Variants in CLYBL observed in about 807,000 individuals in gnomAD.
The protein encoded by CLYBL is citramalyl-CoA lyase, mitochondrial.
In CLYBL, 31 loss-of-function variants were observed where a neutral mutation model predicts 38.9. The observed-to-expected ratio is 0.80, with a 90% CI of 0.60 to 1.08. CLYBL has a LOEUF of 1.08. Ranked by LOEUF, CLYBL falls within the 50% of genes least tolerant of loss-of-function variation. The pLI is 0.00. For missense variants in CLYBL, 434 were observed against 411.6 expected (o/e 1.05, Z -0.47); for synonymous variants, 171 against 158.6 (o/e 1.08, Z -0.59).
intron 1 of CLYBL, among the ~76,000 whole-genome samples, chr13:99,715,627 T>C (rs1381405641): frequency 6.6e-6 from 1 of 152,134 alleles, no homozygotes; most frequent in Non-Finnish European, 1.5e-5. Flanking sequence ...CCCAAAGTGC[T>C]GGGATTACAG....
intron 1 of CLYBL, among the ~76,000 whole-genome samples, chr13:99,619,666 C>T (rs1016746373): frequency 4.8e-4 from 73 of 152,194 alleles, no homozygotes; most frequent in African/African-American, 1.7e-3. Flanking sequence ...CTCTGGGGTT[C>T]AAGTCCAATG....
intron 1 of CLYBL, among the ~76,000 whole-genome samples, chr13:99,635,348 C>T (rs1437213370): frequency 3.3e-5 from 5 of 152,026 alleles, no homozygotes; most frequent in Non-Finnish European, 5.9e-5. Context: ...ATTGAGACTT[C>T]TCCAGTGTTT....
downstream of CLYBL, among the ~76,000 whole-genome samples, chr13:99,897,684 G>A (rs988981058): frequency 2.0e-5 from 3 of 152,176 alleles, no homozygotes; most frequent in Non-Finnish European, 4.4e-5. Context: ...AGTGACTTAC[G>A]CCTGTAATCC....
chr13:99,746,854 G>A (rs907600147), intron 1 of CLYBL, among the ~76,000 whole-genome samples: 2 of 152,192 alleles, frequency 1.3e-5, no homozygotes, highest in African/African-American at 4.8e-5. Context: ...CTTGGACCAA[G>A]TTCTCAGCGA....
chr13:99,810,220 G>A (rs1256552983), intron 2 of CLYBL, among the ~76,000 whole-genome samples: 2 of 152,246 alleles, frequency 1.3e-5, no homozygotes, highest in African/African-American at 4.8e-5. Flanking sequence ...TATGGCTGGT[G>A]AGACAGACAT....
At chr13:99,620,792 A>AAAAG (rs147732033) in intron 1 of CLYBL, among the ~76,000 whole-genome samples, 43,649 of 150,372 alleles carry the variant, frequency 0.29, 7,360 homozygotes, top group Middle Eastern at 0.4. Flanking sequence ...GAAAGAAAGA[A>AAAAG]AAAGAGAGAG....
At chr13:99,908,352 T>C (rs952803186) in exon 10 of CLYBL, among the ~76,000 whole-genome samples, 5 of 152,162 alleles carry the variant, frequency 3.3e-5, no homozygotes, top group Non-Finnish European at 7.3e-5. Flanking sequence ...CGTTCCTGCT[T>C]CCAAGCAGCA....
At chr13:99,887,932 T>G (rs2052391642) in intron 7 of CLYBL, among the ~76,000 whole-genome samples, 1 of 151,954 alleles carries the variant, frequency 6.6e-6, no homozygotes. Context: ...CTCAGCTCAC[T>G]GCAACCTCTG....
intron 2 of CLYBL, among the ~76,000 whole-genome samples, chr13:99,783,457 G>T (rs1474653148): frequency 1.3e-5 from 1 of 79,456 alleles, no homozygotes; most frequent in African/African-American, 7.6e-5. Context: ...GTACTTTGGG[G>T]TGTAATTTTT....
intron 1 of CLYBL, among the ~76,000 whole-genome samples, chr13:99,610,864 T>C (rs2046615434): frequency 6.6e-6 from 1 of 152,234 alleles, no homozygotes; most frequent in Non-Finnish European, 1.5e-5. Flanking sequence ...TTATCTTCCA[T>C]CTCAAGTAGC....
intron 1 of CLYBL, among the ~76,000 whole-genome samples, chr13:99,717,350 C>T (rs1043168017): frequency 2.0e-5 from 3 of 147,510 alleles, no homozygotes; most frequent in African/African-American, 7.5e-5. Context: ...TGCTAGAACC[C>T]AGGAGGCAGA....
chr13:99,825,742 G>A (rs1464579728), intron 2 of CLYBL, among the ~76,000 whole-genome samples: 1 of 152,218 alleles, frequency 6.6e-6, no homozygotes, highest in East Asian at 1.9e-4. Context: ...GGGAGAACGT[G>A]TGTCAGGAAC....
chr13:99,768,098 T>TAAAAA (rs2049303891), intron 1 of CLYBL, among the ~76,000 whole-genome samples: 1 of 152,130 alleles, frequency 6.6e-6, no homozygotes, highest in African/African-American at 2.4e-5. Context: ...TCACTGTTTT[T>TAAAAA]GTTTACTTAT....
chr13:99,715,716 A>T (rs2048302450), intron 1 of CLYBL, among the ~76,000 whole-genome samples: 1 of 152,180 alleles, frequency 6.6e-6, no homozygotes, highest in Admixed American at 6.5e-5. Flanking sequence ...CTTCAGAGAT[A>T]CCAGGAACCT....
chr13:99,692,514 G>C (rs1461176901), intron 1 of CLYBL, among the ~76,000 whole-genome samples: 1 of 151,948 alleles, frequency 6.6e-6, no homozygotes, highest in Non-Finnish European at 1.5e-5. Flanking sequence ...GGATGGTCTT[G>C]ATCTCCTGAC....
In CLYBL at chr13:99,863,046, A is replaced by G. The variant is rs2051646774; in HGVS notation, c.494A>G (p.Asn165Ser). The stretch of plus-strand genomic sequence containing the variant: ...GGCCGAAAACTTGAACAACCAATGA[A>G]TTTAATCCCTTTTGTGGAAACTGCA... ...LKGRKLEQPM[N>S]LIPFVETAMG... The change falls in exon 4 of 9, where the codon AAT (asparagine) becomes AGT (serine). Residue 165 changes from asparagine (N) to serine (S), a missense_variant. By Grantham distance (46) the Asn-to-Ser change is conservative. Coordinates refer to ENST00000339105, the MANE Select transcript of CLYBL (RefSeq NM_206808.5). 8 of 1,610,994 alleles carry G rather than the reference A, an allele frequency of 5.0e-6. No homozygotes were observed. In the East Asian group the frequency reaches 1.8e-4, roughly 36 times the overall value.
intron 1 of CLYBL, among the ~76,000 whole-genome samples, chr13:99,713,334 CT>C (rs759844768): frequency 0.097 from 9,850 of 101,720 alleles, 630 homozygotes; most frequent in African/African-American, 0.23. Context: ...TTCTCTATTT[CT>C]TTTTTTTTTT....
chr13:99,836,050 T>G (rs1442926538), intron 2 of CLYBL, among the ~76,000 whole-genome samples: 2 of 151,934 alleles, frequency 1.3e-5, no homozygotes, highest in Non-Finnish European at 2.9e-5. Context: ...ATGAGGCAAT[T>G]TTGAGAAAAG....
intron 2 of CLYBL, among the ~76,000 whole-genome samples, chr13:99,848,695 C>A (rs772784437): frequency 9.8e-5 from 15 of 152,356 alleles, no homozygotes; most frequent in Admixed American, 6.5e-4. Flanking sequence ...ATTGTCCCGG[C>A]TCCCTGTGCC....
Sources: gnomAD v4.1 joint callset for allele counts (sites outside exome capture counted in the v4.1 genomes callset) on GRCh38, gnomAD v4.1.1 for gene constraint, MANE v1.5 for transcripts, NCBI Gene and HGNC (gene_info 2026-07-23, HGNC 2026-07-21) for gene names.